The following DGKG variants were observed in gnomAD, a reference collection of about 807,000 sequenced individuals.
The protein encoded by DGKG is diacylglycerol kinase gamma.
Under a neutral mutation model 105.3 loss-of-function variants are expected in DGKG, and 78 were observed. That is an observed-to-expected ratio of 0.74 (90% confidence interval 0.62 to 0.89). The LOEUF (loss-of-function observed/expected upper bound fraction) is 0.89. Ranked by LOEUF, DGKG falls within the 40% of genes least tolerant of loss-of-function variation. The pLI is 0.00. For missense variants in DGKG, 958 were observed against 1,020.1 expected (o/e 0.94, Z 0.83); for synonymous variants, 346 against 367.1 (o/e 0.94, Z 0.66).
intron 1 of DGKG, among the ~76,000 whole-genome samples, chr3:186,347,750 T>G (rs1464606618): frequency 6.6e-6 from 1 of 151,978 alleles, no homozygotes; most frequent in African/African-American, 2.4e-5. Flanking sequence ...GCTAGGCTAA[T>G]TTTTGTATTT....
At chr3:186,238,811 T>C (rs1300077543) in intron 20 of DGKG, among the ~76,000 whole-genome samples, 1 of 152,180 alleles carries the variant, frequency 6.6e-6, no homozygotes, top group Non-Finnish European at 1.5e-5. Flanking sequence ...AACTATTCCA[T>C]CAGAGAACAT....
At chr3:186,269,007 G>T in intron 11 of DGKG, 90 bp from the exon 12 acceptor site, 2 of 874,888 alleles carry the variant, frequency 2.3e-6, no homozygotes, top group Non-Finnish European at 3.7e-6. Flanking sequence ...GGGAGGGGAC[G>T]CGGGGGAGCC....
At chr3:186,211,925 T>C (rs1719058438) in intron 20 of DGKG, 40 bp from the exon 21 acceptor site, 1 of 1,500,506 alleles carries the variant, frequency 6.7e-7, no homozygotes. Flanking sequence ...TATTCCATAC[T>C]TGAAATGCTC....
At chr3:186,353,448 C>T (rs558618881) in intron 1 of DGKG, among the ~76,000 whole-genome samples, 110 of 151,410 alleles carry the variant, frequency 7.3e-4, no homozygotes, top group African/African-American at 2.3e-3. Flanking sequence ...GAACCTGGGA[C>T]GCAGAGGTTA....
Position 186,210,704 on chromosome 3 carries a change from G to A in DGKG, c.1917+1091C>T. The A allele has an allele frequency of 2.3e-6, 1 of 439,698 alleles. No individual in the cohort carries two copies. Among genetic ancestry groups the A allele is most frequent in the Non-Finnish European group, 4.5e-6 (1 of 220,336 alleles). 27.2% of individuals were successfully genotyped at this position (439,698 alleles called of 1,614,324 possible). On this transcript the variant is annotated intron_variant, in intron 21 of 24. Coordinates refer to ENST00000265022, the MANE Select transcript of DGKG (RefSeq NM_001346.3). This position sits in a 1 kb window ranked among gnomAD's most constrained non-coding sequence, Gnocchi z 5.2. Reference sequence around the variant, plus strand: ...CCAGGCCACAGGTGCCTCCTCCAGGGAGGCCCAGGCCCCACTGGACTGCAG... The same window carrying A: ...CCAGGCCACAGGTGCCTCCTCCAGGAAGGCCCAGGCCCCACTGGACTGCAG...
chr3:186,235,451 CT>C (rs1385052185), intron 20 of DGKG, among the ~76,000 whole-genome samples: 1 of 152,190 alleles, frequency 6.6e-6, no homozygotes, highest in Non-Finnish European at 1.5e-5. Context: ...AGAATGAAGA[CT>C]TTGATGGCAA....
chr3:186,300,999 G>A (rs1723893299), intron 3 of DGKG, among the ~76,000 whole-genome samples: 1 of 152,216 alleles, frequency 6.6e-6, no homozygotes, highest in African/African-American at 2.4e-5. Flanking sequence ...CACAATTTCT[G>A]TTAATGCCAA....
chr3:186,209,350 C>T (rs1354095066), intron 21 of DGKG, among the ~76,000 whole-genome samples: 1 of 152,066 alleles, frequency 6.6e-6, no homozygotes, highest in Non-Finnish European at 1.5e-5. Context: ...GATCCACCCG[C>T]CTCGGCTTCC....
Position 186,320,495 on chromosome 3 carries a change from T to G in DGKG, c.-36A>C. On this transcript the variant is annotated 5_prime_UTR_variant, in exon 2 of 25. Coordinates refer to ENST00000265022, the MANE Select transcript of DGKG (RefSeq NM_001346.3). ...TATGTGAGTGGCTAAAGGGCAGTGA[T>G]GGAGTTTTGTTCACTAGGCTGAAGT... 2 of 1,614,090 alleles carry G rather than the reference T, an allele frequency of 1.2e-6. No homozygotes were observed. Among genetic ancestry groups the G allele is most frequent in the Non-Finnish European group, 1.7e-6 (2 of 1,179,986 alleles).
chr3:186,192,507 T>C (rs1394096649), intron 21 of DGKG, among the ~76,000 whole-genome samples: 1 of 152,192 alleles, frequency 6.6e-6, no homozygotes, highest in East Asian at 1.9e-4. Context: ...TCACCCATAG[T>C]ATCTCTTGCG....
chr3:186,310,291 C>CAAAAAAAAAAAAAAA (rs1724476497), intron 2 of DGKG, among the ~76,000 whole-genome samples: 3 of 56,806 alleles, frequency 5.3e-5, no homozygotes, highest in South Asian at 5.8e-4. Flanking sequence ...AAAAAAAAAC[C>CAAAAAAAAAAAAAAA]ACACACACAC....
chr3:186,327,242 C>G (rs777972979), intron 1 of DGKG, among the ~76,000 whole-genome samples: 9 of 152,128 alleles, frequency 5.9e-5, no homozygotes, highest in Admixed American at 2.6e-4. Context: ...CTCCTCTTTT[C>G]TATCTTATTC....
At chr3:186,311,736 C>A (rs1366962352) in intron 2 of DGKG, among the ~76,000 whole-genome samples, 2 of 152,176 alleles carry the variant, frequency 1.3e-5, no homozygotes, top group Non-Finnish European at 2.9e-5. Flanking sequence ...AACAAGCAGA[C>A]AAATCAGAGA....
At chr3:186,310,655 C>A (rs1470131823) in intron 2 of DGKG, among the ~76,000 whole-genome samples, 2 of 152,198 alleles carry the variant, frequency 1.3e-5, no homozygotes, top group Non-Finnish European at 2.9e-5. Context: ...TTTTAGGTGT[C>A]ATCTGTGGGT....
intron 15 of DGKG, 69 bp downstream of exon 15, chr3:186,261,630 T>C: frequency 8.8e-7 from 1 of 1,131,442 alleles, no homozygotes; most frequent in Non-Finnish European, 1.3e-6. Flanking sequence ...GCTGTGTTCC[T>C]GCCAAGGGGA....
At chr3:186,320,333 G>C in intron 2 of DGKG, 60 bp downstream of exon 2, 1 of 1,607,256 alleles carries the variant, frequency 6.2e-7, no homozygotes, top group Non-Finnish European at 8.5e-7. Flanking sequence ...ATGCTTTCCA[G>C]AAATGATTTC....
chr3:186,171,965 C>T (rs1325813498), intron 22 of DGKG, among the ~76,000 whole-genome samples: 1 of 151,848 alleles, frequency 6.6e-6, no homozygotes, highest in African/African-American at 2.4e-5. Context: ...AAGAGATTCT[C>T]CCACCTCAGC....
In DGKG at chr3:186,161,633, A is replaced by G. The variant is rs1293461027; in HGVS notation, c.2247T>C (p.Asp749=). 2 of 1,614,204 alleles carry G rather than the reference A, an allele frequency of 1.2e-6. No homozygotes were observed. Among genetic ancestry groups the G allele is most frequent in the Admixed American group, 1.7e-5 (1 of 60,022 alleles). Residue 749 remains aspartate (D), a synonymous_variant, in exon 24 of 25, where the codon GAT becomes GAC. Transcript: ENST00000265022. ...RTNKLLPMQV[D]GEPWMQPCCT... Reference sequence around the variant, plus strand: ...AACATGGCTGCATCCAGGGTTCTCCATCCACTTGCATTGGCAGCAGCTTGT... The same window carrying G: ...AACATGGCTGCATCCAGGGTTCTCCGTCCACTTGCATTGGCAGCAGCTTGT...
intron 22 of DGKG, among the ~76,000 whole-genome samples, chr3:186,176,828 G>A (rs1578624897): frequency 6.6e-6 from 1 of 152,158 alleles, no homozygotes; most frequent in Non-Finnish European, 1.5e-5. Flanking sequence ...AGAGATGGGC[G>A]CTGGCCTCAT....
Sources: gnomAD v4.1 joint callset for allele counts (sites outside exome capture counted in the v4.1 genomes callset) on GRCh38, gnomAD v4.1.1 for gene constraint, Gnocchi (gnomAD v3.1) non-coding constraint, MANE v1.5 for transcripts, NCBI Gene and HGNC (gene_info 2026-07-23, HGNC 2026-07-21) for gene names.